ANKS6: variants seen among roughly 807,000 people sequenced by gnomAD.
The protein encoded by ANKS6 is ankyrin repeat and SAM domain-containing protein 6.
Under a neutral mutation model 77.9 loss-of-function variants are expected in ANKS6, and 47 were observed. The ratio of observed to expected loss-of-function variants is 0.60; its 90% CI spans 0.48 to 0.77. The LOEUF is 0.77. Ranked by LOEUF, ANKS6 falls within the 30% of genes least tolerant of loss-of-function variation. ANKS6 has a pLI of 0.00. For synonymous variants in ANKS6, 488 were observed against 501.7 expected, an observed-to-expected ratio of 0.97 and a Z score of 0.37; for missense variants, 1,150 against 1,159.1, an observed-to-expected ratio of 0.99 and a Z score of 0.11.
chr9:98,751,932 T>G (rs1163923252), intron 12 of ANKS6, among the ~76,000 whole-genome samples: 2 of 152,020 alleles, frequency 1.3e-5, no homozygotes, highest in Non-Finnish European at 2.9e-5. Flanking sequence ...AATTTAGAAG[T>G]AATTAGCCAG....
rs1303009990 is a variant in ANKS6 at position 98,732,864 on chromosome 9, TCCTC to T, written c.*3651_*3654del. On this transcript the variant is annotated 3_prime_UTR_variant, in exon 15 of 15. Coordinates refer to ENST00000353234, the MANE Select transcript of ANKS6 (RefSeq NM_173551.5). ...GAAAAACAGGCACCCAACTGACCCT[TCCTC>T]CCTGACGATCTAGAACTTACACATT... The T allele has an allele frequency of 1.5e-5, 18 of 1,175,426 alleles. No homozygotes were observed. Among genetic ancestry groups the T allele is most frequent in the Non-Finnish European group, 1.8e-5 (17 of 947,150 alleles). The allele number at this position is 1,175,426 out of a possible 1,614,324, so 72.8% of individuals were successfully genotyped here. A position where few individuals can be genotyped will look rare whatever the true frequency, so the allele number is the denominator to read the frequency against.
rs1164943833 is a variant in ANKS6, at chr9:98,733,192, T to C, written c.*3327A>G. On this transcript the variant is annotated 3_prime_UTR_variant, in exon 15 of 15. Transcript: ENST00000353234. ...GCACAGGGTAGATGCTCAGTAAACG[T>C]TCGGTAAACAAAAGAATTAAAAAAT... The C allele has an allele frequency of 1.0e-6, 1 of 984,522 alleles. No individual in the cohort carries two copies. The highest frequency in any genetic ancestry group is 1.8e-5 in the African/African-American group (1 of 57,138). 61.0% of individuals were successfully genotyped at this position (984,522 alleles called of 1,614,324 possible). A position where few individuals can be genotyped will look rare whatever the true frequency, so the allele number is the denominator to read the frequency against.
chr9:98,796,512 C>T lies in ANKS6; in HGVS notation c.-21G>A. The T allele has an allele frequency of 1.0e-6, 1 of 984,354 alleles. No homozygotes were observed. The highest frequency in any genetic ancestry group is 1.2e-6 in the Non-Finnish European group (1 of 830,036). The allele number at this position is 984,354 out of a possible 1,614,324, so 61.0% of individuals were successfully genotyped here. On this transcript the variant is annotated 5_prime_UTR_variant, in exon 1 of 15. Coordinates refer to ENST00000353234, the MANE Select transcript of ANKS6 (RefSeq NM_173551.5). ...CCCATCGCCGCCGCCACGCGCGGCC[C>T]GCTCCCGTCCGCCCCGCCGGCCGCG...
Position 98,732,718 on chromosome 9 carries a change from AGGG to A in ANKS6, c.*3798_*3800del. The stretch of plus-strand genomic sequence containing the variant: ...GGGCTACTATCCCCCTGTAACCAAA[AGGG>A]AAACTGGGACTCAAAGGGAAGAAGA... On this transcript the variant is annotated 3_prime_UTR_variant, in exon 15 of 15. Transcript: ENST00000353234. 1 of 1,439,950 alleles carries A rather than the reference AGGG, an allele frequency of 6.9e-7. No homozygotes were observed. The highest frequency in any genetic ancestry group is 9.1e-7 in the Non-Finnish European group (1 of 1,101,008). The allele number at this position is 1,439,950 out of a possible 1,614,324, so 89.2% of individuals were successfully genotyped here. A position where few individuals can be genotyped will look rare whatever the true frequency, so the allele number is the denominator to read the frequency against.
chr9:98,793,715 A>G (rs528520689), intron 1 of ANKS6, among the ~76,000 whole-genome samples: 2 of 151,230 alleles, frequency 1.3e-5, no homozygotes, highest in South Asian at 4.2e-4. Flanking sequence ...TTGTATTTTT[A>G]GTAGAGACAG....
chr9:98,788,301 G>A lies in ANKS6; in HGVS notation c.862+1803C>T, dbSNP rs916565409. On this transcript the variant is annotated intron_variant, in intron 2 of 14. Coordinates refer to ENST00000353234, the MANE Select transcript of ANKS6 (RefSeq NM_173551.5). ...AGAAGAGGCACAGCTCGGCAGGCAC[G>A]GGCAGGTGCAAGTTCTGGAGTGTTC... Among the ~76,000 whole-genome samples the A allele has an allele frequency of 3.9e-5, 6 of 152,206 alleles. 1 individual carries two copies. The highest frequency in any genetic ancestry group is 4.1e-4 in the South Asian group (2 of 4,830).
intron 14 of ANKS6, among the ~76,000 whole-genome samples, chr9:98,744,336 T>C (rs576490339): frequency 2.3e-4 from 35 of 152,292 alleles, no homozygotes; most frequent in African/African-American, 7.7e-4. Flanking sequence ...GAGCCGCCTC[T>C]GCACAGCACA....
At chr9:98,790,678 TG>T in intron 1 of ANKS6, 72 bp from the exon 2 acceptor site, 2 of 1,527,738 alleles carry the variant, frequency 1.3e-6, no homozygotes, top group East Asian at 4.6e-5. Context: ...CATCCTTAAT[TG>T]GCATGAATTA....
rs1453405936 is a variant in ANKS6, at chr9:98,790,459, A to G, written c.507T>C (p.Phe169=). The change falls in exon 2 of 15, where the codon TTT becomes TTC. Residue 169 remains phenylalanine, a synonymous_variant. Transcript: ENST00000353234. The part of the protein sequence containing the change: ...VVKLLLEAGA[F]VDHHHPSGEQ... ...CGCCTGAAGGGTGGTGATGGTCCACAAAGGCACCGGCTTCCAGGAGCAGCT... is the reference window on the plus strand; with the variant it reads ...CGCCTGAAGGGTGGTGATGGTCCACGAAGGCACCGGCTTCCAGGAGCAGCT... 1.9e-6 allele frequency: 3 copies of G among 1,613,678 alleles called. No homozygotes were observed. The highest frequency in any genetic ancestry group is 2.5e-6 in the Non-Finnish European group (3 of 1,179,992).
chr9:98,779,160 G>A (rs1834087591), intron 6 of ANKS6, among the ~76,000 whole-genome samples: 1 of 152,256 alleles, frequency 6.6e-6, no homozygotes, highest in Admixed American at 6.5e-5. Context: ...GACTGGGGAG[G>A]TCAGCAGACA....
rs1834844697 is a variant in ANKS6, at chr9:98,790,486, C to T, written c.480G>A (p.Val160=). 1 of 1,613,588 alleles carries T rather than the reference C, an allele frequency of 6.2e-7. No homozygotes were observed. The highest frequency in any genetic ancestry group is 8.5e-7 in the Non-Finnish European group (1 of 1,179,990). ...AGGCACCGGCTTCCAGGAGCAGCTT[C>T]ACCACACCCAGGTGGCCGCCCCGAG... ...VASRGGHLGV[V]KLLLEAGAFV... Residue 160 remains valine, a synonymous_variant, in exon 2 of 15, where the codon GTG becomes GTA. Coordinates refer to ENST00000353234, the MANE Select transcript of ANKS6 (RefSeq NM_173551.5).
chr9:98,733,388 T>G lies in ANKS6; in HGVS notation c.*3131A>C. The G allele has an allele frequency of 1.0e-6, 1 of 985,292 alleles. No individual in the cohort carries two copies. The highest frequency in any genetic ancestry group is 1.2e-6 in the Non-Finnish European group (1 of 829,964). 61.0% of individuals were successfully genotyped at this position (985,292 alleles called of 1,614,324 possible). The stretch of plus-strand genomic sequence containing the variant: ...AATGCCCTCCACCCTGCAGGAGAGC[T>G]CAGGGTGGAGCCTCAGCTCAATGCC... On this transcript the variant is annotated 3_prime_UTR_variant, in exon 15 of 15. Transcript: ENST00000353234.
chr9:98,749,506 G>C (rs779171472), intron 13 of ANKS6, among the ~76,000 whole-genome samples: 8 of 152,164 alleles, frequency 5.3e-5, no homozygotes, highest in Admixed American at 5.2e-4. Flanking sequence ...TGAAGGACAG[G>C]TGAACTCGCA....
intron 12 of ANKS6, among the ~76,000 whole-genome samples, chr9:98,752,394 CTCAT>C (rs1832478593): frequency 6.6e-6 from 1 of 152,080 alleles, no homozygotes; most frequent in Non-Finnish European, 1.5e-5. Context: ...CTTTTTTTAA[CTCAT>C]TCATTCAACC....
At chr9:98,753,455 C>G (rs1439611580) in intron 12 of ANKS6, among the ~76,000 whole-genome samples, 1 of 152,120 alleles carries the variant, frequency 6.6e-6, no homozygotes. Flanking sequence ...TAAGTTTAAT[C>G]CTCATTGTTA....
Position 98,792,665 on chromosome 9 carries a change from T to C in ANKS6, c.360-2059A>G, listed in dbSNP as rs140749484. On this transcript the variant is annotated intron_variant, in intron 1 of 14. Coordinates refer to ENST00000353234, the MANE Select transcript of ANKS6 (RefSeq NM_173551.5). ...TAATCCCTAACAGCAGATTACAAGG[T>C]GCGTCACATTTTTATCTCATTTGAT... is the stretch of plus-strand genomic sequence containing the variant. 6.4e-4 allele frequency among the ~76,000 whole-genome samples: 98 copies of C among 152,250 alleles called. 1 individual carries two copies. The Middle Eastern group carries it at 0.037, about 58-fold the overall frequency.
At chr9:98,763,150 G>A (rs542949174) in intron 11 of ANKS6, among the ~76,000 whole-genome samples, 1 of 152,126 alleles carries the variant, frequency 6.6e-6, no homozygotes. Flanking sequence ...ATACATTTAT[G>A]GACATTTATA....
intron 12 of ANKS6, among the ~76,000 whole-genome samples, chr9:98,756,026 T>C (rs1832679434): frequency 6.6e-6 from 1 of 152,096 alleles, no homozygotes; most frequent in Admixed American, 6.5e-5. Context: ...GACACTCCCA[T>C]CATATGAGCC....
rs1588420056 is a variant in ANKS6, at chr9:98,790,195, C to T, written c.771G>A (p.Leu257=). ...KGANPDHLSV[L]EKTAFEVALD... ...GTGCAACCTCGAAGGCGGTCTTCTC[C>T]AGCACGCTGAGGTGGTCAGGGTTGG... Residue 257 remains leucine, a synonymous_variant, in exon 2 of 15, where the codon CTG becomes CTA. Coordinates refer to ENST00000353234, the MANE Select transcript of ANKS6 (RefSeq NM_173551.5). The T allele has an allele frequency of 6.2e-7, 1 of 1,604,248 alleles. No individual in the cohort carries two copies. Among genetic ancestry groups the T allele is most frequent in the Non-Finnish European group, 8.5e-7 (1 of 1,172,056 alleles).
Sources: allele counts gnomAD v4.1 joint callset (sites outside exome capture counted in the v4.1 genomes callset), GRCh38; gene constraint gnomAD v4.1.1; transcripts MANE v1.5; gene names NCBI Gene and HGNC (gene_info 2026-07-23, HGNC 2026-07-21).